CAPN7: variants seen among roughly 807,000 people sequenced by gnomAD.
CAPN7 encodes the protein calpain 7, also known as calpain-7.
A neutral mutation model predicts 115.2 loss-of-function variants in CAPN7; 72 were observed. The ratio of observed to expected loss-of-function variants is 0.63; its 90% CI spans 0.52 to 0.76. CAPN7 has a LOEUF of 0.76. CAPN7 is among the 30% of genes least tolerant of loss of function. CAPN7 has a pLI of 0.00. For missense variants in CAPN7, 905 were observed against 971.5 expected (o/e 0.93, Z 0.91); for synonymous variants, 344 against 322.3 (o/e 1.07, Z -0.72).
At chr3:15,215,109 T>A (rs1407822344) in intron 2 of CAPN7, among the ~76,000 whole-genome samples, 2 of 152,158 alleles carry the variant, frequency 1.3e-5, no homozygotes, top group Non-Finnish European at 2.9e-5. Context: ...AGAGAGGCAT[T>A]TAAGAAGGCT....
rs549939411 is a variant in CAPN7 at position 15,228,026 on chromosome 3, A to T, written c.852+61A>T. 1.4e-4 allele frequency: 179 copies of T among 1,282,278 alleles called. 1 individual carries two copies. In the Middle Eastern group the frequency reaches 1.4e-3, roughly 10 times the overall value. 79.4% of individuals were successfully genotyped at this position (1,282,278 alleles called of 1,614,324 possible). A position where few individuals can be genotyped will look rare whatever the true frequency, so the allele number is the denominator to read the frequency against. ...CAGCATTTTAAAGTAATTTGTGTAT[A>T]GATTTGAGTTTTTTCTTAGATTTTT... On this transcript the variant is annotated intron_variant, in intron 7 of 20. Coordinates refer to ENST00000253693, the MANE Select transcript of CAPN7 (RefSeq NM_014296.3).
intron 12 of CAPN7, among the ~76,000 whole-genome samples, chr3:15,236,099 A>T (rs1559404422): frequency 6.6e-6 from 1 of 152,230 alleles, no homozygotes; most frequent in Non-Finnish European, 1.5e-5. Flanking sequence ...TGAGCACAGA[A>T]GATCAAGGCT....
In CAPN7 at chr3:15,233,915, A is replaced by C; in HGVS notation, c.1228A>C (p.Met410Leu). The C allele has an allele frequency of 6.2e-7, 1 of 1,607,794 alleles. No homozygotes were observed. The highest frequency in any genetic ancestry group is 1.3e-5 in the African/African-American group (1 of 74,888). The change falls in exon 11 of 21, where the codon ATG (methionine) becomes CTG (leucine). Residue 410 changes from methionine to leucine, a missense_variant. This residue lies in a region of CAPN7 where 620 missense variants were observed against 703.4 expected (regional missense o/e 0.88). Transcript: ENST00000253693. ...TGGCTGGATACCAGAAAGAATTGCT[A>C]TGCATTCAGATAGCCAAACTTTCAG... ...LTGWIPERIA[M>L]HSDSQTFSKD...
intron 12 of CAPN7, among the ~76,000 whole-genome samples, chr3:15,238,117 T>TG (rs1221926832): frequency 7.9e-6 from 1 of 126,720 alleles, no homozygotes; most frequent in East Asian, 2.2e-4. Flanking sequence ...TCTTTTTTTT[T>TG]TTTTTTTTTT....
chr3:15,241,394 T>A, intron 14 of CAPN7, 59 bp from the exon 15 acceptor site: 1 of 1,537,432 alleles, frequency 6.5e-7, no homozygotes, highest in Non-Finnish European at 8.9e-7. Flanking sequence ...GAAATAGTGT[T>A]ATATTTTAGC....
At chr3:15,231,803 C>T (rs1231495899) in intron 9 of CAPN7, among the ~76,000 whole-genome samples, 2 of 152,220 alleles carry the variant, frequency 1.3e-5, no homozygotes, top group South Asian at 2.1e-4. Context: ...GCTGGGATTA[C>T]AGGCGTGAGC....
chr3:15,213,822 A>G (rs2124879793), intron 2 of CAPN7, among the ~76,000 whole-genome samples: 1 of 152,250 alleles, frequency 6.6e-6, no homozygotes, highest in South Asian at 2.1e-4. Flanking sequence ...GCATCAAATG[A>G]GACACCCCAA....
chr3:15,206,356 C>T lies in CAPN7; in HGVS notation c.-140C>T, dbSNP rs545917215. 9.6e-6 allele frequency: 6 copies of T among 626,136 alleles called. No individual in the cohort carries two copies. Among genetic ancestry groups the T allele is most frequent in the East Asian group, 6.4e-5 (2 of 31,406 alleles). The allele number at this position is 626,136 out of a possible 1,614,324, so 38.8% of individuals were successfully genotyped here. A position where few individuals can be genotyped will look rare whatever the true frequency, so the allele number is the denominator to read the frequency against. Reference sequence around the variant, plus strand: ...CAGCCCGGCAACGGGAAGGCGAGCTCTCCTCCACCGTCCAAAGTAAACTTT... The same window carrying T: ...CAGCCCGGCAACGGGAAGGCGAGCTTTCCTCCACCGTCCAAAGTAAACTTT... On this transcript the variant is annotated 5_prime_UTR_variant, in exon 1 of 21. Transcript: ENST00000253693.
chr3:15,239,665 A>G (rs1695225134), intron 12 of CAPN7, among the ~76,000 whole-genome samples: 1 of 152,220 alleles, frequency 6.6e-6, no homozygotes, highest in Admixed American at 6.5e-5. Flanking sequence ...AAATTACTAA[A>G]TGCTAGATAC....
intron 18 of CAPN7, 105 bp downstream of exon 18, chr3:15,246,899 G>A: frequency 2.3e-6 from 2 of 873,814 alleles, no homozygotes; most frequent in Non-Finnish European, 3.6e-6. Context: ...AGGCTTCACA[G>A]GAATATAAGG....
intron 6 of CAPN7, among the ~76,000 whole-genome samples, chr3:15,227,552 A>AT: frequency 6.6e-6 from 1 of 152,282 alleles, no homozygotes; most frequent in African/African-American, 2.4e-5. Context: ...TTATTGCTGA[A>AT]TTTCTTGAAT....
At chr3:15,245,197 CA>C (rs1553610723) in intron 16 of CAPN7, among the ~76,000 whole-genome samples, 8 of 139,916 alleles carry the variant, frequency 5.7e-5, no homozygotes, top group Admixed American at 1.4e-4. Flanking sequence ...AATTTCATCT[CA>C]AAAAAAAAAC....
chr3:15,223,292 C>G (rs939235595), intron 5 of CAPN7, among the ~76,000 whole-genome samples, 183 bp from the exon 6 acceptor site: 7 of 152,070 alleles, frequency 4.6e-5, no homozygotes, highest in Non-Finnish European at 5.9e-5. Flanking sequence ...TGAATTGATT[C>G]AGTTATTTTC....
Position 15,232,517 on chromosome 3 carries a change from A to G in CAPN7, c.1033-2A>G. On this transcript the variant is annotated splice_acceptor_variant, in intron 9 of 20. Coordinates refer to ENST00000253693, the MANE Select transcript of CAPN7 (RefSeq NM_014296.3). LOFTEE classifies it high-confidence loss of function. ...AAGAAGGTTAATGTTCTCTTTCTCC[A>G]GGTGATAATTGATGACCAGTTACCT... 1.3e-6 allele frequency: 2 copies of G among 1,597,690 alleles called. No homozygotes were observed. The highest frequency in any genetic ancestry group is 1.7e-6 in the Non-Finnish European group (2 of 1,174,648).
chr3:15,248,185 A>G (rs1695783401), intron 19 of CAPN7, among the ~76,000 whole-genome samples: 1 of 152,032 alleles, frequency 6.6e-6, no homozygotes, highest in African/African-American at 2.4e-5. Context: ...TAAAAAAATA[A>G]ATAAATAAAT....
intron 6 of CAPN7, among the ~76,000 whole-genome samples, chr3:15,226,909 C>A (rs533437261): frequency 6.6e-6 from 1 of 151,438 alleles, no homozygotes; most frequent in African/African-American, 2.4e-5. Context: ...CTTTCTATTA[C>A]TAGGAAATCT....
In CAPN7 at chr3:15,217,556, G is replaced by C; in HGVS notation, c.343G>C (p.Glu115Gln). 3 of 1,613,268 alleles carry C rather than the reference G, an allele frequency of 1.9e-6. No homozygotes were observed. The highest frequency in any genetic ancestry group is 2.5e-6 in the Non-Finnish European group (3 of 1,179,656). The change falls in exon 3 of 21, where the codon GAA becomes CAA. Residue 115 changes from glutamate to glutamine, a missense_variant. This residue lies in a region of CAPN7 where 271 missense variants were observed against 239.6 expected (regional missense o/e 1.13). Coordinates refer to ENST00000253693, the MANE Select transcript of CAPN7 (RefSeq NM_014296.3). ...NVEDAIELYT[E>Q]AVDLCLKTSY... ...TGAAGATGCTATAGAATTGTACACAGAAGCTGTGGATCTCTGTCTGAAAAC... is the reference window on the plus strand; with the variant it reads ...TGAAGATGCTATAGAATTGTACACACAAGCTGTGGATCTCTGTCTGAAAAC...
chr3:15,214,156 A>G (rs905004745), intron 2 of CAPN7, among the ~76,000 whole-genome samples: 4 of 152,318 alleles, frequency 2.6e-5, no homozygotes, highest in Non-Finnish European at 5.9e-5. Flanking sequence ...CTGGGATTAC[A>G]GGCGTGAGCC....
rs575051616 is a variant in CAPN7 at position 15,237,410 on chromosome 3, A to G, written c.1407+2265A>G. Among the ~76,000 whole-genome samples the G allele has an allele frequency of 3.9e-5, 6 of 152,072 alleles. No individual in the cohort carries two copies. The East Asian group carries it at 9.6e-4, about 24-fold the overall frequency. On this transcript the variant is annotated intron_variant, in intron 12 of 20. Transcript: ENST00000253693. ...ATATATGTAGTTCATCGCTGTCTTAACATTTCATTATATGGTGCATGACTG... is the reference window on the plus strand; with the variant it reads ...ATATATGTAGTTCATCGCTGTCTTAGCATTTCATTATATGGTGCATGACTG...
Sources: gnomAD v4.1 joint callset for allele counts (sites outside exome capture counted in the v4.1 genomes callset) on GRCh38, gnomAD v4.1.1 for gene constraint, gnomAD v4.1.1 regional missense constraint, MANE v1.5 for transcripts, NCBI Gene and HGNC (gene_info 2026-07-23, HGNC 2026-07-21) for gene names.